The following REPS2 variants were observed in gnomAD, a reference collection of about 807,000 sequenced individuals.
The protein encoded by REPS2 is RALBP1 associated Eps domain containing 2, also known as ralBP1-associated Eps domain-containing protein 2.
Under a neutral mutation model 53.6 loss-of-function variants are expected in REPS2, and 23 were observed. The ratio of observed to expected loss-of-function variants is 0.43; its 90% confidence interval spans 0.31 to 0.61. REPS2 has a LOEUF of 0.61. Among genes scored for constraint, REPS2 ranks in the 20% least tolerant of loss-of-function variants. The pLI is 0.11. For synonymous variants in REPS2, 238 were observed against 218.6 expected (o/e 1.09, Z -0.78); for missense variants, 446 against 534.9 (o/e 0.83, Z 1.64).
chrX:17,074,451 A>G, intron 12 of REPS2: 1 of 235,065 alleles, frequency 4.3e-6, no homozygotes, highest in Non-Finnish European at 7.6e-6. Flanking sequence ...TTATAGGGGG[A>G]AGTAGCTTTG....
At chrX:17,095,399 CT>C (rs972580578) in intron 13 of REPS2, among the ~76,000 whole-genome samples, 5 of 111,775 alleles carry the variant, frequency 4.5e-5, no homozygotes, top group African/African-American at 1.6e-4. Context: ...GCCCTCATGC[CT>C]TCATCTGGGC....
intron 1 of REPS2, among the ~76,000 whole-genome samples, chrX:16,976,239 A>AT (rs1438637253): frequency 1.8e-5 from 2 of 111,726 alleles, no homozygotes; most frequent in African/African-American, 6.5e-5. Context: ...AAATTTCTGG[A>AT]TTTTGGCATG....
At chrX:16,965,100 C>A (rs1212857970) in intron 1 of REPS2, among the ~76,000 whole-genome samples, 1 of 91,672 alleles carries the variant, frequency 1.1e-5, no homozygotes, top group Admixed American at 1.1e-4. Context: ...CTGACCCCCC[C>A]ACCTCCCTCC....
At chrX:17,086,465 C>T (rs1475007994) in intron 13 of REPS2, among the ~76,000 whole-genome samples, 2 of 112,141 alleles carry the variant, frequency 1.8e-5, no homozygotes, top group Admixed American at 9.5e-5. Flanking sequence ...GTTTAACAAC[C>T]GGCCACTTGC....
chrX:16,973,654 TA>T (rs2060921545), intron 1 of REPS2, among the ~76,000 whole-genome samples: 1 of 111,895 alleles, frequency 8.9e-6, no homozygotes, highest in African/African-American at 3.2e-5. Context: ...TATACTGAAG[TA>T]ACTTCAAACT....
intron 1 of REPS2, among the ~76,000 whole-genome samples, chrX:16,971,707 A>C (rs1394989364): frequency 1.8e-5 from 2 of 112,146 alleles, no homozygotes; most frequent in East Asian, 5.6e-4. Flanking sequence ...CGTGGTGTGA[A>C]GTAGGGGTAC....
intron 1 of REPS2, among the ~76,000 whole-genome samples, chrX:16,985,652 T>G (rs1457855759): frequency 8.9e-6 from 1 of 112,264 alleles, no homozygotes; most frequent in Non-Finnish European, 1.9e-5. Flanking sequence ...TAGCTTTAAT[T>G]TTAATTTTCA....
At chrX:17,051,580 C>T (rs1358341847) in intron 6 of REPS2, among the ~76,000 whole-genome samples, 1 of 112,253 alleles carries the variant, frequency 8.9e-6, no homozygotes, top group African/African-American at 3.2e-5. Flanking sequence ...TTTATTTATC[C>T]ATTCATCAGT....
the REPS2 span, among the ~76,000 whole-genome samples, chrX:17,181,746 C>T: frequency 8.9e-6 from 1 of 112,318 alleles, no homozygotes; most frequent in Non-Finnish European, 1.9e-5. Flanking sequence ...CTTTCCCTTG[C>T]TCCATAATCA....
At chrX:17,086,964 G>A (rs2062545513) in intron 13 of REPS2, among the ~76,000 whole-genome samples, 1 of 112,207 alleles carries the variant, frequency 8.9e-6, no homozygotes, top group Admixed American at 9.4e-5. Flanking sequence ...GCTAATCAAT[G>A]TCACAGTTGT....
chrX:17,038,718 C>T (rs2061796024), intron 5 of REPS2, among the ~76,000 whole-genome samples: 1 of 112,118 alleles, frequency 8.9e-6, no homozygotes, highest in South Asian at 3.7e-4. Context: ...GGAATGGACT[C>T]GTGACCCAGT....
the REPS2 span, among the ~76,000 whole-genome samples, chrX:17,160,578 C>T: frequency 2.7e-5 from 3 of 112,472 alleles, no homozygotes; most frequent in African/African-American, 9.7e-5. Context: ...CAGAGAATAT[C>T]TTAAATGGAA....
intron 1 of REPS2, among the ~76,000 whole-genome samples, chrX:16,951,875 T>TA (rs1331275217): frequency 8.9e-6 from 1 of 112,068 alleles, no homozygotes; most frequent in Non-Finnish European, 1.9e-5. Flanking sequence ...TGGTTTTCAT[T>TA]AAAAAAATTT....
intron 13 of REPS2, among the ~76,000 whole-genome samples, chrX:17,084,302 T>C (rs1410864665): frequency 8.9e-6 from 1 of 112,215 alleles, no homozygotes; most frequent in Non-Finnish European, 1.9e-5. Context: ...ATAAACCACA[T>C]TTTGGATATT....
intron 9 of REPS2, among the ~76,000 whole-genome samples, chrX:17,063,807 A>ATGTGTG (rs747655345): frequency 1.9e-5 from 2 of 107,634 alleles, no homozygotes; most frequent in East Asian, 5.8e-4. Flanking sequence ...CTCTCTGACT[A>ATGTGTG]TGTGTGTGTG....
intron 1 of REPS2, among the ~76,000 whole-genome samples, chrX:16,994,400 T>C (rs1016961046): frequency 9.0e-6 from 1 of 110,869 alleles, no homozygotes; most frequent in Non-Finnish European, 1.9e-5. Flanking sequence ...TACATATATA[T>C]ACACACACGT....
intron 2 of REPS2, among the ~76,000 whole-genome samples, chrX:17,021,907 T>C (rs1157472706): frequency 1.8e-5 from 2 of 112,351 alleles, no homozygotes; most frequent in East Asian, 2.8e-4. Context: ...TTTGGCAACA[T>C]TGAAAAATGT....
At chrX:17,146,834 C>T (rs983008803) in intron 17 of REPS2, among the ~76,000 whole-genome samples, 2 of 111,668 alleles carry the variant, frequency 1.8e-5, no homozygotes, top group Non-Finnish European at 3.8e-5. Context: ...GTTTTAGGCC[C>T]GAAAGTTTGA....
chrX:17,036,632 T>C (rs751254040), intron 5 of REPS2, among the ~76,000 whole-genome samples: 1 of 111,635 alleles, frequency 9.0e-6, no homozygotes, highest in South Asian at 3.8e-4. Context: ...ATTTCTTGTT[T>C]ATAAGGTCAT....
Sources: allele counts gnomAD v4.1 joint callset (sites outside exome capture counted in the v4.1 genomes callset), GRCh38; gene constraint gnomAD v4.1.1; transcripts MANE v1.5; gene names NCBI Gene and HGNC (gene_info 2026-07-23, HGNC 2026-07-21).